Variants in PPM1H observed in about 807,000 individuals in gnomAD.
PPM1H encodes protein phosphatase 1H.
Under a neutral mutation model 54.9 loss-of-function variants are expected in PPM1H, and 27 were observed. That is an observed-to-expected ratio of 0.49 (90% CI 0.36 to 0.68). The LOEUF is 0.68. Ranked by LOEUF, PPM1H falls within the 30% of genes least tolerant of loss-of-function variation. The pLI, the probability that PPM1H is intolerant of heterozygous loss-of-function variation, is 0.00. For synonymous variants in PPM1H, 305 were observed against 270.8 expected, an observed-to-expected ratio of 1.13 and a Z score of -1.24; for missense variants, 596 against 667.8, an observed-to-expected ratio of 0.89 and a Z score of 1.19.
chr12:62,898,625 TAC>T (rs745753934), intron 1 of PPM1H, among the ~76,000 whole-genome samples: 2 of 152,172 alleles, frequency 1.3e-5, no homozygotes, highest in African/African-American at 2.4e-5. Context: ...AGGGCTCAAA[TAC>T]ACAGATTTTT....
chr12:62,850,845 C>A (rs911525147), intron 1 of PPM1H: 2 of 151,804 alleles, frequency 1.3e-5, no homozygotes, highest in Non-Finnish European at 2.9e-5. Context: ...AATGGATAAA[C>A]CTCGCCCTGG....
intron 9 of PPM1H, among the ~76,000 whole-genome samples, chr12:62,663,510 C>T (rs2075898050): frequency 6.6e-6 from 1 of 152,086 alleles, no homozygotes; most frequent in Admixed American, 6.5e-5. Context: ...TAACAAGTTC[C>T]CAGGTGCTGC....
intron 8 of PPM1H, among the ~76,000 whole-genome samples, chr12:62,688,224 C>G (rs1283228409): frequency 6.6e-6 from 1 of 152,072 alleles, no homozygotes; most frequent in African/African-American, 2.4e-5. Context: ...GGCTGCCCCT[C>G]CTTTCCATCT....
intron 1 of PPM1H, among the ~76,000 whole-genome samples, chr12:62,858,615 G>A (rs980578281): frequency 3.3e-5 from 5 of 152,176 alleles, no homozygotes; most frequent in Admixed American, 2.6e-4. Context: ...CGGCAGGTCT[G>A]CCTAAGCTTT....
At chr12:62,654,027 G>A (rs1013863660) in intron 9 of PPM1H, among the ~76,000 whole-genome samples, 5 of 151,868 alleles carry the variant, frequency 3.3e-5, no homozygotes, top group Non-Finnish European at 5.9e-5. Flanking sequence ...GGATTAACTC[G>A]GGCCCAGGAG....
chr12:62,893,591 G>A (rs1434652544), intron 1 of PPM1H, among the ~76,000 whole-genome samples: 1 of 151,958 alleles, frequency 6.6e-6, no homozygotes, highest in Non-Finnish European at 1.5e-5. Context: ...CAGGTAGCTG[G>A]GACTACAGAT....
chr12:62,750,928 C>G (rs887409732), intron 4 of PPM1H, among the ~76,000 whole-genome samples: 1 of 152,226 alleles, frequency 6.6e-6, no homozygotes, highest in African/African-American at 2.4e-5. Context: ...CTGCTTCTCT[C>G]TAGTGCAGGG....
intron 1 of PPM1H, among the ~76,000 whole-genome samples, chr12:62,880,910 A>C (rs1318382204): frequency 6.6e-6 from 1 of 151,792 alleles, no homozygotes; most frequent in Non-Finnish European, 1.5e-5. Flanking sequence ...TGCAGCCCAG[A>C]CTCCTAATGA....
At chr12:62,770,503 G>A in intron 4 of PPM1H, among the ~76,000 whole-genome samples, 1 of 151,852 alleles carries the variant, frequency 6.6e-6, no homozygotes, top group East Asian at 1.9e-4. Context: ...GGCCTCTGTT[G>A]TAAGGTCTCA....
intron 5 of PPM1H, among the ~76,000 whole-genome samples, chr12:62,734,443 T>C (rs1247461329): frequency 6.6e-6 from 1 of 152,230 alleles, no homozygotes; most frequent in Non-Finnish European, 1.5e-5. Flanking sequence ...TCTGAAGTTT[T>C]CTATCCCATT....
chr12:62,863,632 G>A (rs1869681504), intron 1 of PPM1H, among the ~76,000 whole-genome samples: 1 of 152,182 alleles, frequency 6.6e-6, no homozygotes, highest in African/African-American at 2.4e-5. Context: ...TGCTTGTTAA[G>A]TAAGAGTTAA....
intron 9 of PPM1H, chr12:62,659,208 A>T: frequency 2.9e-6 from 2 of 684,352 alleles, no homozygotes. Flanking sequence ...CAGGCTGTGC[A>T]GCGAAGAAAA....
At chr12:62,739,292 C>A (rs1453236866) in intron 4 of PPM1H, among the ~76,000 whole-genome samples, 1 of 152,146 alleles carries the variant, frequency 6.6e-6, no homozygotes, top group Non-Finnish European at 1.5e-5. Flanking sequence ...ATTCACAAAT[C>A]AGTGTGAATT....
chr12:62,645,388 A>AAAT lies in PPM1H; in HGVS notation c.*3098_*3100dup, dbSNP rs111609641. The AAAT allele has an allele frequency of 5.3e-5, 8 of 152,362 alleles. 2 individuals carry two copies. Among genetic ancestry groups the AAAT allele is most frequent in the African/African-American group, 1.9e-4 (8 of 41,588 alleles). The allele number at this position is 152,362 out of a possible 1,614,324, so 9.4% of individuals were successfully genotyped here. On this transcript the variant is annotated 3_prime_UTR_variant, in exon 10 of 10. Transcript: ENST00000228705. ...ATCCTCCAAAATGGAATACTGTGGA[A>AAAT]AATAACTGAAATTTCCACTGCTTAA...
chr12:62,801,751 G>A lies in PPM1H; in HGVS notation c.756+65C>T. Reference sequence around the variant, plus strand: ...GCGCTTTCTGGGAGCCCTCCAGGAAGGACGGACAGACCTGGCGCAGGCGCC... The same window carrying A: ...GCGCTTTCTGGGAGCCCTCCAGGAAAGACGGACAGACCTGGCGCAGGCGCC... On this transcript the variant is annotated intron_variant, in intron 3 of 9. Transcript: ENST00000228705. 5 of 1,555,878 alleles carry A rather than the reference G, an allele frequency of 3.2e-6. No homozygotes were observed. In the South Asian group the frequency reaches 4.6e-5, roughly 14 times the overall value.
At chr12:62,767,577 CA>C (rs2076551900) in intron 4 of PPM1H, among the ~76,000 whole-genome samples, 1 of 152,148 alleles carries the variant, frequency 6.6e-6, no homozygotes, top group Non-Finnish European at 1.5e-5. Context: ...CTGCCAGCTT[CA>C]GCATGCACTT....
At chr12:62,766,721 A>G (rs1251941430) in intron 4 of PPM1H, among the ~76,000 whole-genome samples, 1 of 152,240 alleles carries the variant, frequency 6.6e-6, no homozygotes, top group East Asian at 1.9e-4. Flanking sequence ...CACATTTCAC[A>G]CAGCTGTTTC....
At chr12:62,795,792 T>G (rs2120728024) in intron 3 of PPM1H, among the ~76,000 whole-genome samples, 1 of 151,712 alleles carries the variant, frequency 6.6e-6, no homozygotes, top group Non-Finnish European at 1.5e-5. Context: ...AGTGGTGTGA[T>G]CTCGGCTCAC....
At chr12:62,651,174 A>C (rs74095843) in intron 9 of PPM1H, among the ~76,000 whole-genome samples, 2,933 of 152,310 alleles carry the variant, frequency 0.019, 93 homozygotes, top group African/African-American at 0.064. Flanking sequence ...AAAGATACTC[A>C]ATCCTTTTGT....
Sources: gnomAD v4.1 joint callset for allele counts (sites outside exome capture counted in the v4.1 genomes callset) on GRCh38, gnomAD v4.1.1 for gene constraint, MANE v1.5 for transcripts, NCBI Gene and HGNC (gene_info 2026-07-23, HGNC 2026-07-21) for gene names.